COL14A1: variants seen among roughly 807,000 people sequenced by gnomAD.
COL14A1 encodes the protein collagen alpha-1(XIV) chain.
In COL14A1, 136 loss-of-function variants were observed where a neutral mutation model predicts 230.3. That is an observed-to-expected ratio of 0.59 (90% CI 0.51 to 0.68). The LOEUF is 0.68. COL14A1 is among the 30% of genes least tolerant of loss of function. The probability of loss-of-function intolerance (pLI) is 0.00; values close to 1 mark genes in which losing one functional copy is unlikely to be tolerated. For synonymous variants in COL14A1, 792 were observed against 784.1 expected, an observed-to-expected ratio of 1.01 and a Z score of -0.17; for missense variants, 1,976 against 2,215.8, an observed-to-expected ratio of 0.89 and a Z score of 2.17.
At chr8:120,171,126 A>G (rs1015315501) in intron 5 of COL14A1, among the ~76,000 whole-genome samples, 1 of 152,080 alleles carries the variant, frequency 6.6e-6, no homozygotes, top group Non-Finnish European at 1.5e-5. Context: ...TTTAGCACTT[A>G]CTGACCTGGA....
At chr8:120,214,908 T>C (rs1299256060) in intron 13 of COL14A1, among the ~76,000 whole-genome samples, 2 of 152,150 alleles carry the variant, frequency 1.3e-5, no homozygotes, top group Admixed American at 6.6e-5. Context: ...AAACTGGCTA[T>C]GCGTATATCT....
intron 3 of COL14A1, among the ~76,000 whole-genome samples, chr8:120,160,470 C>T (rs565931833): frequency 6.6e-6 from 1 of 152,228 alleles, no homozygotes; most frequent in East Asian, 1.9e-4. Flanking sequence ...CTGAAACAAA[C>T]CTTCATCTGA....
chr8:120,210,194 T>A (rs1817578723), intron 12 of COL14A1, among the ~76,000 whole-genome samples: 1 of 152,236 alleles, frequency 6.6e-6, no homozygotes. Flanking sequence ...AAAGTCATTG[T>A]ATACACCCAT....
At chr8:120,315,277 G>A (rs1230082553) in intron 38 of COL14A1, among the ~76,000 whole-genome samples, 1 of 151,104 alleles carries the variant, frequency 6.6e-6, no homozygotes, top group Non-Finnish European at 1.5e-5. Context: ...GGCTGAGGCA[G>A]GAGAATAGCT....
intron 38 of COL14A1, among the ~76,000 whole-genome samples, chr8:120,315,157 G>C (rs1452963382): frequency 6.6e-6 from 1 of 152,096 alleles, no homozygotes; most frequent in African/African-American, 2.4e-5. Flanking sequence ...ATCACCTGAA[G>C]TCAGGAGCTT....
intron 5 of COL14A1, among the ~76,000 whole-genome samples, chr8:120,171,564 T>C (rs932627497): frequency 1.3e-5 from 2 of 152,210 alleles, no homozygotes; most frequent in Non-Finnish European, 2.9e-5. Context: ...CTCCTGTTGC[T>C]TTGTTGACAT....
chr8:120,241,070 C>T lies in COL14A1; in HGVS notation c.2350-2809C>T, dbSNP rs556030880. ...TAGCTCTAACATGAATTCTGGGTTG[C>T]AAGAATACGTCTAGAGTAAGAATAC... On this transcript the variant is annotated intron_variant, in intron 19 of 47. Coordinates refer to ENST00000297848, the MANE Select transcript of COL14A1 (RefSeq NM_021110.4). 1.1e-4 allele frequency among the ~76,000 whole-genome samples: 17 copies of T among 152,264 alleles called. No individual in the cohort carries two copies. The South Asian group carries it at 2.9e-3, about 26-fold the overall frequency.
At chr8:120,342,292 TG>T in intron 43 of COL14A1, 87 bp from the exon 44 acceptor site, 4 of 1,336,410 alleles carry the variant, frequency 3.0e-6, no homozygotes, top group Non-Finnish European at 4.3e-6. Context: ...ATGGGAACAA[TG>T]GGGCAAGTCA....
Position 120,175,147 on chromosome 8 carries a change from A to C in COL14A1, c.436+6900A>C, listed in dbSNP as rs1292451983. On this transcript the variant is annotated intron_variant, in intron 5 of 47. Coordinates refer to ENST00000297848, the MANE Select transcript of COL14A1 (RefSeq NM_021110.4). ...CCTTAACAGAAGTGGCTGTGCAGTTAAAGTTACAGTTAAGATTGTTTCCAA... is the reference window on the plus strand; with the variant it reads ...CCTTAACAGAAGTGGCTGTGCAGTTCAAGTTACAGTTAAGATTGTTTCCAA... Among the ~76,000 whole-genome samples the C allele has an allele frequency of 3.9e-5, 6 of 152,362 alleles. No individual in the cohort carries two copies. The East Asian group carries it at 1.2e-3, about 29-fold the overall frequency.
chr8:120,142,466 C>T (rs981474047), intron 1 of COL14A1, among the ~76,000 whole-genome samples: 2 of 152,158 alleles, frequency 1.3e-5, no homozygotes, highest in Admixed American at 6.5e-5. Flanking sequence ...CTTTTACTAA[C>T]CATTTTCCCA....
chr8:120,263,022 A>G lies in COL14A1; in HGVS notation c.3016+8A>G. On this transcript the variant is annotated splice_region_variant and intron_variant, in intron 24 of 47. Coordinates refer to ENST00000297848, the MANE Select transcript of COL14A1 (RefSeq NM_021110.4). ...GCATAATGGAAAAAACACGTAAGTC[A>G]TGTGTGTTCTCTCCTGATCCCTCTC... 1.3e-6 allele frequency: 2 copies of G among 1,599,442 alleles called. No homozygotes were observed. The highest frequency in any genetic ancestry group is 1.3e-5 in the African/African-American group (1 of 74,338).
chr8:120,337,634 G>A (rs1438793845), intron 42 of COL14A1, among the ~76,000 whole-genome samples: 1 of 152,002 alleles, frequency 6.6e-6, no homozygotes, highest in Non-Finnish European at 1.5e-5. Context: ...CTAAAATTCG[G>A]TGAATCTATG....
rs369405583 is a variant in COL14A1 at position 120,345,344 on chromosome 8, C to T, written c.4889-31C>T. The T allele has an allele frequency of 2.6e-6, 4 of 1,530,118 alleles. No homozygotes were observed. The African/African-American group carries it at 4.3e-5, about 17-fold the overall frequency. The allele number at this position is 1,530,118 out of a possible 1,614,324, so 94.8% of individuals were successfully genotyped here. A position where few individuals can be genotyped will look rare whatever the true frequency, so the allele number is the denominator to read the frequency against. On this transcript the variant is annotated intron_variant, in intron 44 of 47. Transcript: ENST00000297848. The stretch of plus-strand genomic sequence containing the variant: ...CTCTCTTTCCTTGTGTGACAGTTCA[C>T]TGAATGCTGTCTTTATGCTTCATAC...
chr8:120,239,291 G>A (rs1184305998), intron 19 of COL14A1, among the ~76,000 whole-genome samples: 5 of 152,036 alleles, frequency 3.3e-5, no homozygotes, highest in African/African-American at 4.8e-5. Flanking sequence ...TGCATTTCTT[G>A]CCCTCTGCTG....
chr8:120,359,219 G>C (rs140141941), intron 45 of COL14A1, among the ~76,000 whole-genome samples: 1 of 151,744 alleles, frequency 6.6e-6, no homozygotes, highest in Non-Finnish European at 1.5e-5. Context: ...AATGCTCTCC[G>C]TCCCCTTTCC....
chr8:120,169,802 T>G (rs1816039922), intron 5 of COL14A1, among the ~76,000 whole-genome samples: 1 of 152,002 alleles, frequency 6.6e-6, no homozygotes, highest in African/African-American at 2.4e-5. Flanking sequence ...ATATTTATAT[T>G]TATTACAACT....
intron 5 of COL14A1, among the ~76,000 whole-genome samples, chr8:120,195,344 A>C (rs1816997240): frequency 6.6e-6 from 1 of 152,196 alleles, no homozygotes; most frequent in Non-Finnish European, 1.5e-5. Context: ...TTTTTAGACC[A>C]GCAAGAATAA....
At chr8:120,210,388 A>G (rs1030992477) in intron 12 of COL14A1, among the ~76,000 whole-genome samples, 6 of 152,206 alleles carry the variant, frequency 3.9e-5, no homozygotes, top group African/African-American at 1.4e-4. Flanking sequence ...GGGTAGGCAA[A>G]TTATTAAGGT....
intron 5 of COL14A1, among the ~76,000 whole-genome samples, chr8:120,173,376 G>A (rs543346921): frequency 8.5e-4 from 130 of 152,138 alleles, no homozygotes; most frequent in East Asian, 1.9e-4. Flanking sequence ...CATTCTGAGC[G>A]CTTGTATTTT....
Sources: gnomAD v4.1 joint callset for allele counts (sites outside exome capture counted in the v4.1 genomes callset) on GRCh38, gnomAD v4.1.1 for gene constraint, MANE v1.5 for transcripts, NCBI Gene and HGNC (gene_info 2026-07-23, HGNC 2026-07-21) for gene names.